The following PAQR7 variants were observed in gnomAD, a reference collection of about 807,000 sequenced individuals.
PAQR7 encodes membrane progestin receptor alpha.
PAQR7 carries 14 observed loss-of-function variants against 24.6 expected under a neutral mutation model. The ratio of observed to expected loss-of-function variants is 0.57; its 90% CI spans 0.38 to 0.89. The LOEUF (loss-of-function observed/expected upper bound fraction) is 0.89, where lower values mean the gene tolerates loss of function less well. PAQR7 is among the 40% of genes least tolerant of loss of function. PAQR7 has a pLI of 0.00. For synonymous variants in PAQR7, 189 were observed against 198.8 expected, an observed-to-expected ratio of 0.95 and a Z score of 0.42; for missense variants, 351 against 444.0, an observed-to-expected ratio of 0.79 and a Z score of 1.88.
chr1:25,872,493 A>C (rs529430597), intron 1 of PAQR7, among the ~76,000 whole-genome samples: 1 of 150,494 alleles, frequency 6.6e-6, no homozygotes, highest in South Asian at 2.1e-4. Flanking sequence ...ATTCATACCA[A>C]TGGTAACACC....
rs1179451081 is a variant in PAQR7, at chr1:25,862,479, C to T, written c.*320G>A. 9.7e-6 allele frequency: 3 copies of T among 309,722 alleles called. No homozygotes were observed. The highest frequency in any genetic ancestry group is 1.8e-5 in the Non-Finnish European group (3 of 164,766). The allele number at this position is 309,722 out of a possible 1,614,324, so 19.2% of individuals were successfully genotyped here. On this transcript the variant is annotated 3_prime_UTR_variant, in exon 3 of 3. Coordinates refer to ENST00000675840, the MANE Select transcript of PAQR7 (RefSeq NM_178422.6). The stretch of plus-strand genomic sequence containing the variant: ...ACCTCCTGCCTAGACAATCTAGAAG[C>T]CCCAATCCTCACCAAGCTGACCCCC...
At chr1:25,864,807 A>G (rs2048543236) in intron 2 of PAQR7, among the ~76,000 whole-genome samples, 1 of 151,974 alleles carries the variant, frequency 6.6e-6, no homozygotes, top group African/African-American at 2.4e-5. Context: ...CTCTGATCAC[A>G]CTACTACTCT....
intron 1 of PAQR7, among the ~76,000 whole-genome samples, chr1:25,871,712 G>A (rs2048607235): frequency 6.6e-6 from 1 of 152,248 alleles, no homozygotes. Context: ...CTGCAGGGAG[G>A]TGGTGGAAAA....
chr1:25,866,882 G>A (rs1410657646), intron 2 of PAQR7, among the ~76,000 whole-genome samples: 2 of 152,034 alleles, frequency 1.3e-5, no homozygotes, highest in African/African-American at 4.8e-5. Context: ...ACAGGTGCCC[G>A]CCACCACGCC....
chr1:25,874,142 CA>C (rs1338924625), intron 1 of PAQR7, among the ~76,000 whole-genome samples: 1 of 150,474 alleles, frequency 6.6e-6, no homozygotes, highest in Non-Finnish European at 1.5e-5. Context: ...CTCGGCCTCC[CA>C]AAGTACTGGG....
chr1:25,865,986 CAA>C (rs111451589), intron 2 of PAQR7, among the ~76,000 whole-genome samples: 20 of 97,424 alleles, frequency 2.1e-4, no homozygotes, highest in Admixed American at 2.3e-4. Context: ...AACTCCGTCT[CAA>C]AAAAAAAAAA....
At chr1:25,866,250 C>G (rs2048556102) in intron 2 of PAQR7, among the ~76,000 whole-genome samples, 1 of 152,118 alleles carries the variant, frequency 6.6e-6, no homozygotes, top group African/African-American at 2.4e-5. Flanking sequence ...TATTCCCCAC[C>G]TAACCCCAAT....
At position 25,863,748 on chromosome 1, in the gene PAQR7, A is replaced by T. The variant is rs761491056; in HGVS notation, c.92T>A (p.Phe31Tyr). ...PQLSLQPEPV[F>Y]TVDRAEVPPL... is the part of the protein sequence containing the mutation. ...CGGCACCTCAGCTCGATCCACCGTG[A>T]AGACAGGCTCTGGCTGCAGAGATAG... is the stretch of plus-strand genomic sequence containing the variant. The change falls in exon 3 of 3, where the codon TTC becomes TAC. Residue 31 changes from phenylalanine (F) to tyrosine (Y), a missense_variant. By Grantham distance (22) the Phe-to-Tyr change is conservative. Coordinates refer to ENST00000675840, the MANE Select transcript of PAQR7 (RefSeq NM_178422.6). This position sits in a 1 kb window ranked among gnomAD's most constrained non-coding sequence, Gnocchi z 6.1. The T allele has an allele frequency of 8.7e-6, 14 of 1,613,726 alleles. No homozygotes were observed. In the East Asian group the frequency reaches 3.1e-4, roughly 36 times the overall value.
chr1:25,868,038 G>A (rs2048572039), intron 2 of PAQR7, among the ~76,000 whole-genome samples: 1 of 152,246 alleles, frequency 6.6e-6, no homozygotes. Context: ...CAGCCTTGCT[G>A]GTTGGGGAGC....
intron 2 of PAQR7, among the ~76,000 whole-genome samples, chr1:25,866,941 G>C (rs2048562020): frequency 6.6e-6 from 1 of 152,342 alleles, no homozygotes; most frequent in Middle Eastern, 3.4e-3. Context: ...ACATTGGCCA[G>C]GCTGGTCTCG....
At chr1:25,871,621 G>A (rs1218436773) in intron 1 of PAQR7, among the ~76,000 whole-genome samples, 1 of 151,852 alleles carries the variant, frequency 6.6e-6, no homozygotes, top group Non-Finnish European at 1.5e-5. Flanking sequence ...CCTTAACGAA[G>A]GCTTGCAAGC....
chr1:25,864,027 C>A (rs1482521498), intron 2 of PAQR7, among the ~76,000 whole-genome samples, 166 bp from the exon 3 acceptor site: 1 of 152,168 alleles, frequency 6.6e-6, no homozygotes. Flanking sequence ...TCATCTCTGA[C>A]CTCATGAGAG....
Position 25,863,368 on chromosome 1 carries a change from A to G in PAQR7, c.472T>C (p.Phe158Leu). The change falls in exon 3 of 3, where the codon TTC (phenylalanine) becomes CTC (leucine). Residue 158 changes from phenylalanine to leucine, a missense_variant. Phe to Leu is a conservative substitution (Grantham distance 22). Transcript: ENST00000675840. This position sits in a 1 kb window ranked among gnomAD's most constrained non-coding sequence, Gnocchi z 6.1. ...CAGGCGGGCTCGATAGCATAGTAGA[A>G]GTGTGCCAAGGCACTGCCAAACTGG... is the stretch of plus-strand genomic sequence containing the variant. ...VYQFGSALAH[F>L]YYAIEPAWHA... The G allele has an allele frequency of 1.2e-6, 2 of 1,614,240 alleles. No homozygotes were observed. The highest frequency in any genetic ancestry group is 1.1e-5 in the South Asian group (1 of 91,086).
chr1:25,874,445 C>T (rs2048632319), intron 1 of PAQR7, among the ~76,000 whole-genome samples: 1 of 152,188 alleles, frequency 6.6e-6, no homozygotes, highest in Non-Finnish European at 1.5e-5. Context: ...GGTGAACGAG[C>T]TATAGTCACC....
chr1:25,863,810 G>C lies in PAQR7; in HGVS notation c.30C>G (p.Leu10=). Residue 10 remains leucine, a synonymous_variant, in exon 3 of 3, where the codon CTC becomes CTG. Coordinates refer to ENST00000675840, the MANE Select transcript of PAQR7 (RefSeq NM_178422.6). The surrounding 1 kb of genome is among the most constrained non-coding windows in gnomAD (Gnocchi z 6.1). MAMAQKLSH[L]LPSLRQVIQE... Reference sequence around the variant, plus strand: ...GGATGACCTGCCGCAGACTCGGCAGGAGGTGGCTGAGTTTCTGGGCCATGG... The same window carrying C: ...GGATGACCTGCCGCAGACTCGGCAGCAGGTGGCTGAGTTTCTGGGCCATGG... 8 of 1,613,060 alleles carry C rather than the reference G, an allele frequency of 5.0e-6. No homozygotes were observed. Among genetic ancestry groups the C allele is most frequent in the Non-Finnish European group, 6.8e-6 (8 of 1,179,654 alleles).
Position 25,863,665 on chromosome 1 carries a change from G to T in PAQR7, c.175C>A (p.Arg59Ser), listed in dbSNP as rs200577994. ...AGYRPLHQTWRFYFRTLFQQH... is the reference protein window; with the variant it reads ...AGYRPLHQTWSFYFRTLFQQH... ...TGGAACAGCGTGCGGAAATAGAAGC[G>T]CCAGGTCTGATGCAGCGGCCGGTAG... is the stretch of plus-strand genomic sequence containing the variant. Residue 59 changes from arginine (R) to serine (S), a missense_variant, in exon 3 of 3, where the codon CGC (arginine) becomes AGC (serine). Physicochemically the swap from Arg to Ser is moderately radical, Grantham distance 110. Coordinates refer to ENST00000675840, the MANE Select transcript of PAQR7 (RefSeq NM_178422.6). This position sits in a 1 kb window ranked among gnomAD's most constrained non-coding sequence, Gnocchi z 6.1. The T allele has an allele frequency of 1.2e-6, 2 of 1,614,176 alleles. No individual in the cohort carries two copies. Among genetic ancestry groups the T allele is most frequent in the Non-Finnish European group, 1.7e-6 (2 of 1,180,038 alleles).
At chr1:25,874,715 A>G (rs193179855) in intron 1 of PAQR7, among the ~76,000 whole-genome samples, 2 of 152,294 alleles carry the variant, frequency 1.3e-5, no homozygotes, top group African/African-American at 4.8e-5. Flanking sequence ...CTAGCCCCAC[A>G]GGCCTCCTCC....
In PAQR7 at chr1:25,863,137, C is replaced by A. The variant is rs1572275071; in HGVS notation, c.703G>T (p.Asp235Tyr). 2 of 1,614,186 alleles carry A rather than the reference C, an allele frequency of 1.2e-6. No individual in the cohort carries two copies. The highest frequency in any genetic ancestry group is 2.2e-5 in the South Asian group (2 of 91,080). ...CACTTGTGGTAGAGAAGAGCTGGAT[C>A]ATCCGTGGTGGGGTCGGAGGACACG... Reference protein sequence around the residue: ...IFVSSDPTTDDPALLYHKCQV... With the variant: ...IFVSSDPTTDYPALLYHKCQV... The change falls in exon 3 of 3, where the codon GAT becomes TAT. Residue 235 changes from aspartate (D) to tyrosine (Y), a missense_variant. Transcript: ENST00000675840. This position sits in a 1 kb window ranked among gnomAD's most constrained non-coding sequence, Gnocchi z 6.1.
chr1:25,863,782 C>T lies in PAQR7; in HGVS notation c.58G>A (p.Glu20Lys), dbSNP rs137951299. The change falls in exon 3 of 3, where the codon GAG becomes AAG. Residue 20 changes from glutamate to lysine, a missense_variant. Glu to Lys is a moderately conservative substitution (Grantham distance 56). Coordinates refer to ENST00000675840, the MANE Select transcript of PAQR7 (RefSeq NM_178422.6). The surrounding 1 kb of genome is among the most constrained non-coding windows in gnomAD (Gnocchi z 6.1). ...TCTGGCTGCAGAGATAGCTGAGGCT[C>T]CTGGATGACCTGCCGCAGACTCGGC... is the stretch of plus-strand genomic sequence containing the variant. ...LLPSLRQVIQ[E>K]PQLSLQPEPV... 3.1e-6 allele frequency: 5 copies of T among 1,613,412 alleles called. No individual in the cohort carries two copies. In the African/African-American group the frequency reaches 6.7e-5, roughly 22 times the overall value.
Sources: allele counts gnomAD v4.1 joint callset (sites outside exome capture counted in the v4.1 genomes callset), GRCh38; gene constraint gnomAD v4.1.1; non-coding constraint Gnocchi (gnomAD v3.1); transcripts MANE v1.5; gene names NCBI Gene and HGNC (gene_info 2026-07-23, HGNC 2026-07-21).